The following MICU1 variants were observed in gnomAD, a reference collection of about 807,000 sequenced individuals.
MICU1 encodes the protein mitochondrial calcium uptake 1.
In MICU1, 45 loss-of-function variants were observed where a neutral mutation model predicts 56.8. That is an observed-to-expected ratio of 0.79 (90% CI 0.62 to 1.02). The LOEUF is 1.02. MICU1 is among the 50% of genes least tolerant of loss of function. The probability of loss-of-function intolerance (pLI) is 0.00; values close to 1 mark genes in which losing one functional copy is unlikely to be tolerated. For missense variants in MICU1, 504 were observed against 587.1 expected (o/e 0.86, Z 1.46); for synonymous variants, 186 against 195.1 (o/e 0.95, Z 0.39).
In MICU1 at chr10:72,523,870, A is replaced by C. The variant is rs376833425; in HGVS notation, c.537+9876T>G. On this transcript the variant is annotated intron_variant, in intron 5 of 11. Transcript: ENST00000361114. ...ATATATTCTTTTCATGGTTTTCTCC[A>C]AATATTTAGTTGCTTTTCCAAATTA... 2.4e-5 allele frequency: 37 copies of C among 1,522,590 alleles called. No homozygotes were observed. In the African/African-American group the frequency reaches 4.6e-4, roughly 19 times the overall value. 94.3% of individuals were successfully genotyped at this position (1,522,590 alleles called of 1,614,324 possible). A position where few individuals can be genotyped will look rare whatever the true frequency, so the allele number is the denominator to read the frequency against.
chr10:72,492,334 C>T (rs766385131), intron 6 of MICU1, among the ~76,000 whole-genome samples: 13 of 151,906 alleles, frequency 8.6e-5, no homozygotes, highest in Non-Finnish European at 1.5e-4. Context: ...GGAAATAATC[C>T]GAGAGATATG....
At chr10:72,493,216 CACACACAT>C (rs964087839) in intron 6 of MICU1, among the ~76,000 whole-genome samples, 1 of 151,542 alleles carries the variant, frequency 6.6e-6, no homozygotes, top group African/African-American at 2.4e-5. Flanking sequence ...CACACACCCA[CACACACAT>C]ACACACACAA....
At chr10:72,434,510 A>C (rs1481264701) in intron 8 of MICU1, among the ~76,000 whole-genome samples, 1 of 152,120 alleles carries the variant, frequency 6.6e-6, no homozygotes. Flanking sequence ...TTCTGCTTTC[A>C]ATAACATGAA....
At chr10:72,580,234 T>C (rs1840860899) in intron 1 of MICU1, among the ~76,000 whole-genome samples, 1 of 152,154 alleles carries the variant, frequency 6.6e-6, no homozygotes, top group Non-Finnish European at 1.5e-5. Flanking sequence ...GTTTTCAATG[T>C]AAAATAATAT....
At chr10:72,547,575 C>T (rs952047528) in intron 4 of MICU1, among the ~76,000 whole-genome samples, 3 of 149,228 alleles carry the variant, frequency 2.0e-5, no homozygotes, top group African/African-American at 4.9e-5. Context: ...AATAAAGAAA[C>T]GTACAAAGAA....
At chr10:72,622,306 A>C (rs1842124583) in intron 1 of MICU1, among the ~76,000 whole-genome samples, 1 of 151,914 alleles carries the variant, frequency 6.6e-6, no homozygotes, top group Admixed American at 6.6e-5. Flanking sequence ...CCAGCAACCA[A>C]TTGCTCTTCT....
At chr10:72,458,138 C>T (rs1266241772) in intron 8 of MICU1, among the ~76,000 whole-genome samples, 2 of 151,120 alleles carry the variant, frequency 1.3e-5, no homozygotes, top group Admixed American at 6.6e-5. Context: ...TGCACTCCAG[C>T]CTGGGCAACA....
intron 9 of MICU1, among the ~76,000 whole-genome samples, chr10:72,416,378 A>G (rs1863984712): frequency 6.6e-6 from 1 of 152,184 alleles, no homozygotes; most frequent in South Asian, 2.1e-4. Context: ...TATACTACAT[A>G]GTGACTGGTG....
At chr10:72,412,330 C>T (rs553256115) in intron 9 of MICU1, among the ~76,000 whole-genome samples, 2 of 152,226 alleles carry the variant, frequency 1.3e-5, no homozygotes, top group South Asian at 4.1e-4. Context: ...ACATAATAAT[C>T]AAAAGGAACT....
intron 8 of MICU1, among the ~76,000 whole-genome samples, chr10:72,471,009 G>A (rs1865933980): frequency 6.6e-6 from 1 of 152,096 alleles, no homozygotes; most frequent in African/African-American, 2.4e-5. Flanking sequence ...TTCTGCATTT[G>A]GGTGTAGGCT....
intron 3 of MICU1, among the ~76,000 whole-genome samples, chr10:72,554,029 A>G (rs1840100329): frequency 6.6e-6 from 1 of 152,178 alleles, no homozygotes; most frequent in Non-Finnish European, 1.5e-5. Context: ...TGGTTCATTC[A>G]GTCATATACC....
intron 1 of MICU1, among the ~76,000 whole-genome samples, chr10:72,615,262 C>CA: frequency 6.6e-6 from 1 of 152,260 alleles, no homozygotes; most frequent in Middle Eastern, 3.4e-3. Flanking sequence ...GAATTACAGA[C>CA]ATGTGCCACC....
At chr10:72,369,170 T>C (rs1251848934) in intron 11 of MICU1, among the ~76,000 whole-genome samples, 1 of 151,842 alleles carries the variant, frequency 6.6e-6, no homozygotes, top group Non-Finnish European at 1.5e-5. Context: ...CCCAGCTACT[T>C]GGGAGGCTAA....
chr10:72,382,567 C>T (rs1047787994), intron 10 of MICU1, among the ~76,000 whole-genome samples: 2 of 152,048 alleles, frequency 1.3e-5, no homozygotes, highest in African/African-American at 4.8e-5. Context: ...GGGGTGAGTA[C>T]ATTAGGAGAA....
intron 9 of MICU1, among the ~76,000 whole-genome samples, chr10:72,410,382 C>T (rs1410147096): frequency 6.6e-6 from 1 of 152,024 alleles, no homozygotes; most frequent in African/African-American, 2.4e-5. Context: ...TTTGGGTGGC[C>T]GAGGCGGGCA....
At chr10:72,532,538 A>C (rs1400013180) in intron 5 of MICU1, among the ~76,000 whole-genome samples, 1 of 152,178 alleles carries the variant, frequency 6.6e-6, no homozygotes, top group Non-Finnish European at 1.5e-5. Flanking sequence ...CTCTGAAATC[A>C]GAAGTGTTGC....
At chr10:72,439,116 A>G (rs1864833294) in intron 8 of MICU1, among the ~76,000 whole-genome samples, 1 of 152,252 alleles carries the variant, frequency 6.6e-6, no homozygotes, top group Non-Finnish European at 1.5e-5. Context: ...ATTTTAGACC[A>G]ATATCGCTGA....
rs1862185432 is a variant in MICU1 at position 72,367,470 on chromosome 10, C to G, written c.*725G>C. ...CATCCTGGAGAGGAAATGGCACTTG[C>G]AGGGAACATGAGCTCAATCACTATT... On this transcript the variant is annotated 3_prime_UTR_variant, in exon 12 of 12. Coordinates refer to ENST00000361114, the MANE Select transcript of MICU1 (RefSeq NM_001195518.2). The G allele has an allele frequency of 6.6e-6, 1 of 152,370 alleles. No homozygotes were observed. Among genetic ancestry groups the G allele is most frequent in the Admixed American group, 6.5e-5 (1 of 15,284 alleles). 9.4% of individuals were successfully genotyped at this position (152,370 alleles called of 1,614,324 possible).
intron 8 of MICU1, among the ~76,000 whole-genome samples, chr10:72,464,036 CT>C (rs1302109136): frequency 1.3e-5 from 2 of 152,152 alleles, no homozygotes; most frequent in African/African-American, 4.8e-5. Flanking sequence ...TGGCTTATGC[CT>C]GTTATCCCAG....
Sources: gnomAD v4.1 joint callset for allele counts (sites outside exome capture counted in the v4.1 genomes callset) on GRCh38, gnomAD v4.1.1 for gene constraint, MANE v1.5 for transcripts, NCBI Gene and HGNC (gene_info 2026-07-23, HGNC 2026-07-21) for gene names.